RPIA: variants seen among roughly 807,000 people sequenced by gnomAD.
RPIA encodes the protein ribose-5-phosphate isomerase.
Under a neutral mutation model 37.8 loss-of-function variants are expected in RPIA, and 29 were observed. That is an observed-to-expected ratio of 0.77 (90% CI 0.57 to 1.05). The LOEUF is 1.05. Among genes scored for constraint, RPIA ranks in the 50% least tolerant of loss-of-function variants. The pLI is 0.00. For missense variants in RPIA, 385 were observed against 413.6 expected (o/e 0.93, Z 0.60); for synonymous variants, 167 against 157.0 (o/e 1.06, Z -0.48).
At chr2:88,704,620 C>T (rs1672875796) in intron 3 of RPIA, among the ~76,000 whole-genome samples, 1 of 152,150 alleles carries the variant, frequency 6.6e-6, no homozygotes, top group South Asian at 2.1e-4. Flanking sequence ...CAGAGCCAAA[C>T]CATATCACTT....
intron 3 of RPIA, among the ~76,000 whole-genome samples, chr2:88,706,904 T>C (rs1442469861): frequency 6.6e-6 from 1 of 152,234 alleles, no homozygotes; most frequent in Non-Finnish European, 1.5e-5. Context: ...AACACTATGT[T>C]ATATGTCTAG....
In RPIA at chr2:88,741,699, G is replaced by A. The variant is rs143704255; in HGVS notation, c.838+3623G>A. ...GTACTAGTTTACATTCCCACCAGCAGTGTGAAAGTATTCCCTTTTCACTGC... is the reference window on the plus strand; with the variant it reads ...GTACTAGTTTACATTCCCACCAGCAATGTGAAAGTATTCCCTTTTCACTGC... On this transcript the variant is annotated intron_variant, in intron 8 of 8. Transcript: ENST00000283646. Among the ~76,000 whole-genome samples, 470 of 152,298 alleles carry A rather than the reference G, an allele frequency of 3.1e-3. 2 individuals carry two copies. The highest frequency in any genetic ancestry group is 9.8e-3 in the African/African-American group (407 of 41,552).
intron 6 of RPIA, 94 bp downstream of exon 6, chr2:88,735,831 C>A: frequency 8.3e-7 from 1 of 1,210,132 alleles, no homozygotes; most frequent in Non-Finnish European, 1.2e-6. Flanking sequence ...TGGAGAGCTG[C>A]AGGGACTGTC....
intron 4 of RPIA, among the ~76,000 whole-genome samples, chr2:88,733,141 C>T (rs2104129192): frequency 6.6e-6 from 1 of 152,272 alleles, no homozygotes; most frequent in South Asian, 2.1e-4. Context: ...GGCCAGGTGG[C>T]AGGGGCAGGA....
At chr2:88,719,063 G>T (rs1673071240) in intron 3 of RPIA, among the ~76,000 whole-genome samples, 1 of 151,980 alleles carries the variant, frequency 6.6e-6, no homozygotes, top group African/African-American at 2.4e-5. Flanking sequence ...TTATTCTGAT[G>T]TTACAATCTC....
At chr2:88,717,209 A>C (rs984127734) in intron 3 of RPIA, among the ~76,000 whole-genome samples, 6 of 152,098 alleles carry the variant, frequency 3.9e-5, no homozygotes, top group African/African-American at 1.4e-4. Context: ...AATATTGTTA[A>C]ATTTTGTGAA....
At chr2:88,708,276 T>C (rs751697802) in intron 3 of RPIA, among the ~76,000 whole-genome samples, 3 of 152,202 alleles carry the variant, frequency 2.0e-5, no homozygotes, top group Non-Finnish European at 4.4e-5. Context: ...TAAGTTCATT[T>C]AGTTGTTGGA....
intron 3 of RPIA, among the ~76,000 whole-genome samples, chr2:88,706,454 C>T (rs1210062319): frequency 2.7e-5 from 4 of 149,616 alleles, no homozygotes; most frequent in African/African-American, 7.4e-5. Flanking sequence ...AACACAGGAA[C>T]GGAAAACCAA....
chr2:88,694,892 T>A (rs1306779813), intron 1 of RPIA, among the ~76,000 whole-genome samples: 1 of 151,276 alleles, frequency 6.6e-6, no homozygotes, highest in Non-Finnish European at 1.5e-5. Context: ...TAGTATTGGA[T>A]CATGCCCTTT....
intron 6 of RPIA, among the ~76,000 whole-genome samples, 156 bp downstream of exon 6, chr2:88,735,893 A>G (rs1673309139): frequency 6.6e-6 from 1 of 152,202 alleles, no homozygotes; most frequent in Admixed American, 6.5e-5. Flanking sequence ...AGGAGACCTT[A>G]TGTTCTGCTT....
chr2:88,736,628 C>G lies in RPIA; in HGVS notation c.690C>G (p.Ser230Arg), dbSNP rs1234818202. 6.2e-7 allele frequency: 1 copy of G among 1,613,892 alleles called. No homozygotes were observed. The highest frequency in any genetic ancestry group is 2.2e-5 in the East Asian group (1 of 44,880). ...MAYVPVSRAV[S>R]QKFGGVVELR... is the part of the protein sequence containing the mutation. ...ATGTCCCAGTGAGCCGAGCTGTGAG[C>G]CAGAAGTTTGGGGGCGTGGTTGAAC... The change falls in exon 7 of 9, where the codon AGC becomes AGG. Residue 230 changes from serine to arginine, a missense_variant. Ser to Arg is a moderately radical substitution (Grantham distance 110). Around this residue, in one of 2 missense-constraint regions of RPIA, gnomAD observed 153 missense variants for 210.6 expected, o/e 0.73. Coordinates refer to ENST00000283646, the MANE Select transcript of RPIA (RefSeq NM_144563.3).
At chr2:88,708,839 C>G (rs780102889) in intron 3 of RPIA, among the ~76,000 whole-genome samples, 1 of 150,948 alleles carries the variant, frequency 6.6e-6, no homozygotes, top group Non-Finnish European at 1.5e-5. Context: ...TCACTGCAAG[C>G]TCCACCTCCT....
intron 3 of RPIA, among the ~76,000 whole-genome samples, chr2:88,721,573 C>A (rs13429180): frequency 0.017 from 414 of 23,710 alleles, 3 homozygotes; most frequent in South Asian, 0.04. Context: ...ACACACACAC[C>A]CCCCCCCCCA....
chr2:88,726,263 G>T (rs57110366), intron 3 of RPIA, among the ~76,000 whole-genome samples: 1 of 152,150 alleles, frequency 6.6e-6, no homozygotes, highest in East Asian at 1.9e-4. Flanking sequence ...GTTGGTTGTC[G>T]TGATCATTTA....
At chr2:88,730,277 G>C (rs1476145755) in intron 4 of RPIA, among the ~76,000 whole-genome samples, 2 of 83,702 alleles carry the variant, frequency 2.4e-5, no homozygotes, top group Non-Finnish European at 4.0e-5. Context: ...AACCAAAAAA[G>C]AGAATTTTAG....
chr2:88,707,404 T>C (rs1189754296), intron 3 of RPIA, among the ~76,000 whole-genome samples: 1 of 152,200 alleles, frequency 6.6e-6, no homozygotes, highest in African/African-American at 2.4e-5. Flanking sequence ...AGTTGGCTAG[T>C]GCTGTTTTAT....
At chr2:88,711,498 A>G (rs1672962127) in intron 3 of RPIA, among the ~76,000 whole-genome samples, 1 of 152,218 alleles carries the variant, frequency 6.6e-6, no homozygotes. Context: ...GGGTGAAGAT[A>G]AGGGGTTATG....
At position 88,749,522 on chromosome 2, in the gene RPIA, A is replaced by G. The variant is rs116204265; in HGVS notation, c.839-459A>G. Among the ~76,000 whole-genome samples the G allele has an allele frequency of 2.1e-3, 317 of 152,318 alleles. 3 individuals are homozygous for G. The highest frequency in any genetic ancestry group is 7.3e-3 in the African/African-American group (303 of 41,568). ...GTCCTTTGTCAGGTATATGCTTTGC[A>G]AATATCTCCTCCCATTCCGAGGAAA... is the stretch of plus-strand genomic sequence containing the variant. On this transcript the variant is annotated intron_variant, in intron 8 of 8. Transcript: ENST00000283646.
chr2:88,698,047 T>C (rs971008531), intron 1 of RPIA, among the ~76,000 whole-genome samples: 3 of 151,994 alleles, frequency 2.0e-5, no homozygotes, highest in African/African-American at 7.2e-5. Flanking sequence ...TGGCCAGGAA[T>C]CTTTTTCTTT....
Sources: allele counts gnomAD v4.1 joint callset (sites outside exome capture counted in the v4.1 genomes callset), GRCh38; gene constraint gnomAD v4.1.1; regional missense constraint gnomAD v4.1.1; transcripts MANE v1.5; gene names NCBI Gene and HGNC (gene_info 2026-07-23, HGNC 2026-07-21).